The following PDE9A variants were observed in gnomAD, a reference collection of about 807,000 sequenced individuals.
PDE9A encodes high affinity cGMP-specific 3',5'-cyclic phosphodiesterase 9A.
In PDE9A, 60 loss-of-function variants were observed where a neutral mutation model predicts 87.4. The ratio of observed to expected loss-of-function variants is 0.69; its 90% CI spans 0.56 to 0.85. The LOEUF (loss-of-function observed/expected upper bound fraction) is 0.85. Ranked by LOEUF, PDE9A falls within the 40% of genes least tolerant of loss-of-function variation. PDE9A has a pLI of 0.00. For missense variants in PDE9A, 665 were observed against 779.0 expected, an observed-to-expected ratio of 0.85 and a Z score of 1.74; for synonymous variants, 272 against 279.4, an observed-to-expected ratio of 0.97 and a Z score of 0.27.
chr21:42,699,079 AAAATATATACTAGTTAAGCATT>A (rs2060301000), intron 4 of PDE9A, 68 bp downstream of exon 4: 1 of 985,764 alleles, frequency 1.0e-6, no homozygotes, highest in African/African-American at 1.6e-5. Flanking sequence ...CCCCTGTGAT[AAAATATATACTAGTTAAGCATT>A]TGAATCTAAG....
At chr21:42,772,362 A>C in intron 18 of PDE9A, 77 bp from the exon 19 acceptor site, 1 of 943,540 alleles carries the variant, frequency 1.1e-6, no homozygotes, top group Non-Finnish European at 1.7e-6. Flanking sequence ...CAGGCAACAG[A>C]AGCTGCTGGG....
At chr21:42,667,556 A>T (rs1473729287) in intron 1 of PDE9A, among the ~76,000 whole-genome samples, 1 of 152,100 alleles carries the variant, frequency 6.6e-6, no homozygotes, top group Non-Finnish European at 1.5e-5. Context: ...GGGAAGATGA[A>T]CCAGGAAGAA....
intron 8 of PDE9A, among the ~76,000 whole-genome samples, chr21:42,744,359 A>T (rs986656777): frequency 4.6e-5 from 7 of 152,320 alleles, no homozygotes; most frequent in Admixed American, 6.5e-5. Flanking sequence ...TGTCTCAAGA[A>T]AAAAAGAGCA....
At chr21:42,732,446 T>C (rs746911370) in intron 6 of PDE9A, among the ~76,000 whole-genome samples, 5 of 152,190 alleles carry the variant, frequency 3.3e-5, no homozygotes, top group African/African-American at 1.2e-4. Context: ...CACTGGAAAA[T>C]AAGCTTCCTC....
intron 4 of PDE9A, among the ~76,000 whole-genome samples, chr21:42,708,113 G>A (rs1382475772): frequency 6.6e-6 from 1 of 152,116 alleles, no homozygotes; most frequent in African/African-American, 2.4e-5. Flanking sequence ...GTCTATTTCA[G>A]TGCAATTTCA....
intron 1 of PDE9A, among the ~76,000 whole-genome samples, chr21:42,661,901 G>C (rs991707955): frequency 7.9e-5 from 12 of 152,162 alleles, no homozygotes; most frequent in African/African-American, 2.9e-4. Flanking sequence ...AGACAGATGC[G>C]CCAGGTTCCG....
intron 3 of PDE9A, among the ~76,000 whole-genome samples, chr21:42,691,091 C>G (rs929720090): frequency 6.6e-6 from 1 of 150,812 alleles, no homozygotes; most frequent in Non-Finnish European, 1.5e-5. Flanking sequence ...TCACCCACCC[C>G]GATACCATCA....
chr21:42,683,495 T>A (rs992045033), intron 1 of PDE9A, among the ~76,000 whole-genome samples: 5 of 152,242 alleles, frequency 3.3e-5, no homozygotes, highest in Middle Eastern at 3.4e-3. Flanking sequence ...AAATTTAGGT[T>A]CAAAGAAGTT....
At chr21:42,733,081 G>A (rs1602335772) in intron 6 of PDE9A, among the ~76,000 whole-genome samples, 1 of 152,238 alleles carries the variant, frequency 6.6e-6, no homozygotes, top group African/African-American at 2.4e-5. Context: ...CCACCCCAGA[G>A]AGCTTGGGTC....
chr21:42,726,625 T>TATATATATATA (rs1555925485), intron 4 of PDE9A, among the ~76,000 whole-genome samples: 5 of 14,500 alleles, frequency 3.4e-4, no homozygotes, highest in African/African-American at 6.8e-4. Context: ...TATATATATA[T>TATATATATATA]TTTTTTTTTT....
chr21:42,672,188 TC>T (rs2058597820), intron 1 of PDE9A, among the ~76,000 whole-genome samples: 1 of 152,178 alleles, frequency 6.6e-6, no homozygotes, highest in Non-Finnish European at 1.5e-5. Context: ...GAGCTGCACA[TC>T]CCGTTATGGC....
At chr21:42,709,983 G>A (rs751292237) in intron 4 of PDE9A, among the ~76,000 whole-genome samples, 9 of 152,086 alleles carry the variant, frequency 5.9e-5, no homozygotes, top group Non-Finnish European at 8.8e-5. Flanking sequence ...TTTAGGGTTC[G>A]GCTACTAGAA....
At chr21:42,662,813 A>G in intron 1 of PDE9A, among the ~76,000 whole-genome samples, 1 of 135,882 alleles carries the variant, frequency 7.4e-6, no homozygotes, top group Admixed American at 7.3e-5. Context: ...CACCACACAC[A>G]CGCACACACA....
In PDE9A at chr21:42,666,992, G is replaced by A. The variant is rs191094937; in HGVS notation, c.69+13109G>A. ...CTGGTGACCGCCGACTCGCCCTCCC[G>A]GGCTCCAGGCTGTCCCCACTCCCCC... On this transcript the variant is annotated intron_variant, in intron 1 of 19. Coordinates refer to ENST00000291539, the MANE Select transcript of PDE9A (RefSeq NM_002606.3). Among the ~76,000 whole-genome samples the A allele has an allele frequency of 5.3e-4, 80 of 152,286 alleles. 1 individual carries two copies. The East Asian group carries it at 0.015, about 28-fold the overall frequency.
At chr21:42,733,024 G>A (rs191385547) in intron 6 of PDE9A, among the ~76,000 whole-genome samples, 80 of 152,324 alleles carry the variant, frequency 5.3e-4, no homozygotes, top group Non-Finnish European at 8.4e-4. Flanking sequence ...GGGAAGGTGC[G>A]GGGACTGGAC....
At chr21:42,773,278 A>G (rs2057187787) in intron 19 of PDE9A, among the ~76,000 whole-genome samples, 1 of 150,504 alleles carries the variant, frequency 6.6e-6, no homozygotes, top group African/African-American at 2.5e-5. Flanking sequence ...AAAAAAAAAA[A>G]AGTGAGGCTC....
Position 42,732,261 on chromosome 21 carries a change from C to T in PDE9A, c.497+137C>T, listed in dbSNP as rs1447671986. ...CACCTGCCTGGAGGAGCTGCCCGCA[C>T]GGTGGAAGCCTTCTGTGGCTTCTGT... On this transcript the variant is annotated intron_variant, in intron 6 of 19. Transcript: ENST00000291539. The T allele has an allele frequency of 1.4e-5, 11 of 764,184 alleles. 1 individual carries two copies. Among genetic ancestry groups the T allele is most frequent in the South Asian group, 9.7e-5 (6 of 61,906 alleles). 47.3% of individuals were successfully genotyped at this position (764,184 alleles called of 1,614,324 possible). A position where few individuals can be genotyped will look rare whatever the true frequency, so the allele number is the denominator to read the frequency against.
At chr21:42,730,802 T>C (rs2051653469) in intron 4 of PDE9A, among the ~76,000 whole-genome samples, 1 of 152,370 alleles carries the variant, frequency 6.6e-6, no homozygotes, top group South Asian at 2.1e-4. Context: ...TTCTCTGTGT[T>C]AAATAACACT....
intron 15 of PDE9A, among the ~76,000 whole-genome samples, chr21:42,766,635 G>T (rs1210890824): frequency 6.6e-6 from 1 of 152,160 alleles, no homozygotes; most frequent in Non-Finnish European, 1.5e-5. Context: ...GCTCCCGCAG[G>T]CAAGGGCTGG....
Sources: gnomAD v4.1 joint callset for allele counts (sites outside exome capture counted in the v4.1 genomes callset) on GRCh38, gnomAD v4.1.1 for gene constraint, MANE v1.5 for transcripts, NCBI Gene and HGNC (gene_info 2026-07-23, HGNC 2026-07-21) for gene names.